The following LRIG3 variants were observed in gnomAD, a reference collection of about 807,000 sequenced individuals.
The protein encoded by LRIG3 is leucine-rich repeats and immunoglobulin-like domains protein 3.
LRIG3 carries 76 observed loss-of-function variants against 114.5 expected under a neutral mutation model. The ratio of observed to expected loss-of-function variants is 0.66; its 90% confidence interval spans 0.55 to 0.80. LRIG3 has a LOEUF of 0.80. Ranked by LOEUF, LRIG3 falls within the 30% of genes least tolerant of loss-of-function variation. LRIG3 has a pLI of 0.00. For missense variants in LRIG3, 1,239 were observed against 1,382.8 expected (o/e 0.90, Z 1.65); for synonymous variants, 512 against 519.8 (o/e 0.98, Z 0.20).
intron 5 of LRIG3, among the ~76,000 whole-genome samples, chr12:58,889,427 A>G (rs551924494): frequency 4.6e-5 from 7 of 152,276 alleles, no homozygotes; most frequent in Admixed American, 2.6e-4. Flanking sequence ...CCTTGGTTGC[A>G]CACTGGACGC....
At chr12:58,919,915 A>G in intron 1 of LRIG3, 85 bp downstream of exon 1, 1 of 1,331,212 alleles carries the variant, frequency 7.5e-7, no homozygotes, top group South Asian at 1.3e-5. Flanking sequence ...AGGGGACTGC[A>G]CGCCGAACCC....
chr12:58,880,613 G>C lies in LRIG3; in HGVS notation c.1769C>G (p.Ser590Cys). Residue 590 changes from serine (S) to cysteine (C), a missense_variant, in exon 13 of 19, where the codon TCC becomes TGC. Physicochemically the swap from Ser to Cys is moderately radical, Grantham distance 112. Transcript: ENST00000320743. ...QCVISNHFGS[S>C]YSVKAKLTVN... ...TGTAAGCTTGGCTTTGACAGAGTAG[G>C]ATGAACCAAAGTGATTGGAGATGAC... is the stretch of plus-strand genomic sequence containing the variant. The C allele has an allele frequency of 1.9e-6, 3 of 1,614,030 alleles. No individual in the cohort carries two copies. The South Asian group carries it at 3.3e-5, about 18-fold the overall frequency.
Position 58,890,100 on chromosome 12 carries a change from C to G in LRIG3, c.555G>C (p.Gly185=). The G allele has an allele frequency of 5.0e-6, 8 of 1,613,820 alleles. No homozygotes were observed. The highest frequency in any genetic ancestry group is 5.9e-6 in the Non-Finnish European group (7 of 1,179,820). ...GTGTGTTGGCCAAATTGTCAAAATA[C>G]CCAGGTTCCATTGATGTGACTCGGT... ...NSNRVTSMEP[G]YFDNLANTLL... The change falls in exon 5 of 19, where the codon GGG becomes GGC. Residue 185 remains glycine (G), a synonymous_variant. Coordinates refer to ENST00000320743, the MANE Select transcript of LRIG3 (RefSeq NM_153377.5).
intron 10 of LRIG3, among the ~76,000 whole-genome samples, chr12:58,885,324 A>T (rs1214919712): frequency 6.6e-6 from 1 of 152,202 alleles, no homozygotes; most frequent in African/African-American, 2.4e-5. Flanking sequence ...GTCACTCTTA[A>T]GGATTGTGGA....
chr12:58,912,168 G>A (rs1390690810), intron 3 of LRIG3, among the ~76,000 whole-genome samples: 1 of 152,216 alleles, frequency 6.6e-6, no homozygotes, highest in Non-Finnish European at 1.5e-5. Context: ...AGAGATCATT[G>A]TAGCTTTCTA....
At chr12:58,892,154 A>G (rs530106119) in intron 3 of LRIG3, among the ~76,000 whole-genome samples, 2 of 152,368 alleles carry the variant, frequency 1.3e-5, no homozygotes, top group South Asian at 4.1e-4. Flanking sequence ...ATGGCAATCA[A>G]ACGGATGTGC....
chr12:58,908,867 T>C (rs1204623956), intron 3 of LRIG3, among the ~76,000 whole-genome samples: 3 of 152,298 alleles, frequency 2.0e-5, no homozygotes, highest in East Asian at 3.9e-4. Context: ...CTGCATTAAG[T>C]GCTGAGGAAA....
Position 58,880,859 on chromosome 12 carries a change from T to C in LRIG3, c.1523A>G (p.Gln508Arg), listed in dbSNP as rs776193260. 2 of 1,614,068 alleles carry C rather than the reference T, an allele frequency of 1.2e-6. No individual in the cohort carries two copies. The highest frequency in any genetic ancestry group is 1.7e-6 in the Non-Finnish European group (2 of 1,179,912). ...KPQITVQPET[Q>R]SAIKGSNLSF... ...CAAATTGGAACCTTTTATTGCCGAC[T>C]GTGTTTCTGGCTGAACCGTGATCTG... The change falls in exon 13 of 19, where the codon CAG (glutamine) becomes CGG (arginine). Residue 508 changes from glutamine to arginine, a missense_variant. Transcript: ENST00000320743.
Position 58,914,034 on chromosome 12 carries a change from C to T in LRIG3, c.331G>A (p.Glu111Lys). Residue 111 changes from glutamate (E) to lysine (K), a missense_variant, in exon 3 of 19, where the codon GAG becomes AAG. Transcript: ENST00000320743. ...ACTGGTCCCAGATTTGGAATGGTCTCCAATTCATTGTTGTTCAGTTTCCTA... is the reference window on the plus strand; with the variant it reads ...ACTGGTCCCAGATTTGGAATGGTCTTCAATTCATTGTTGTTCAGTTTCCTA... Reference protein sequence around the residue: ...REVKLNNNELETIPNLGPVSA... With the variant: ...REVKLNNNELKTIPNLGPVSA... 1 of 1,610,904 alleles carries T rather than the reference C, an allele frequency of 6.2e-7. No homozygotes were observed. The highest frequency in any genetic ancestry group is 8.5e-7 in the Non-Finnish European group (1 of 1,179,374).
At chr12:58,877,902 A>T (rs755063523) in intron 14 of LRIG3, 50 bp from the exon 15 acceptor site, 2 of 1,508,750 alleles carry the variant, frequency 1.3e-6, no homozygotes, top group East Asian at 2.3e-5. Flanking sequence ...TTTAGTTTCC[A>T]TATCATAAAA....
In LRIG3 at chr12:58,890,714, T is replaced by A. The variant is rs1871427960; in HGVS notation, c.466A>T (p.Asn156Tyr). 1 of 1,607,692 alleles carries A rather than the reference T, an allele frequency of 6.2e-7. No individual in the cohort carries two copies. ...AATGCAGTTTGGAGCTCTGAAATAT[T>A]GTTGCTGCTAAGGTCCAAAGTTTCA... ...SLETLDLSSNNISELQTAFPA... is the reference protein window; with the variant it reads ...SLETLDLSSNYISELQTAFPA... The change falls in exon 4 of 19, where the codon AAT becomes TAT. Residue 156 changes from asparagine (N) to tyrosine (Y), a missense_variant. Transcript: ENST00000320743.
intron 3 of LRIG3, among the ~76,000 whole-genome samples, chr12:58,895,372 C>T (rs978056044): frequency 2.0e-5 from 3 of 152,112 alleles, no homozygotes; most frequent in East Asian, 1.9e-4. Context: ...AGGGAAGAAA[C>T]GGCCACACTG....
intron 1 of LRIG3, among the ~76,000 whole-genome samples, chr12:58,919,220 T>C (rs1027403007): frequency 8.5e-5 from 13 of 152,340 alleles, no homozygotes; most frequent in Non-Finnish European, 1.3e-4. Flanking sequence ...TCCTTGTTCT[T>C]CACGCAGTTG....
chr12:58,916,298 T>C (rs1029600171), intron 1 of LRIG3, among the ~76,000 whole-genome samples: 8 of 152,152 alleles, frequency 5.3e-5, no homozygotes, highest in African/African-American at 1.9e-4. Context: ...ACTTTGAATA[T>C]TTCAGTTATT....
chr12:58,913,979 T>G lies in LRIG3; in HGVS notation c.383+3A>C, dbSNP rs754698502. 6.2e-7 allele frequency: 1 copy of G among 1,610,236 alleles called. No homozygotes were observed. On this transcript the variant is annotated splice_donor_region_variant and intron_variant, in intron 3 of 18. Transcript: ENST00000320743. ...ATGAGGAATTCTGCTGATATTCACT[T>G]ACAAGGAGAGAAGTGTAATATTTGC...
At chr12:58,909,072 T>A (rs12426555) in intron 3 of LRIG3, among the ~76,000 whole-genome samples, 8,280 of 152,278 alleles carry the variant, frequency 0.054, 391 homozygotes, top group Admixed American at 0.14. Flanking sequence ...GATTCAAGTA[T>A]CTTCCTCCTG....
At chr12:58,914,488 A>C in intron 1 of LRIG3, 152 bp from the exon 2 acceptor site, 1 of 575,954 alleles carries the variant, frequency 1.7e-6, no homozygotes, top group Non-Finnish European at 3.0e-6. Context: ...CAAAATGCCA[A>C]ACTCAAAAAT....
At chr12:58,877,884 A>C in intron 14 of LRIG3, 32 bp from the exon 15 acceptor site, 3 of 1,565,884 alleles carry the variant, frequency 1.9e-6, no homozygotes, top group Non-Finnish European at 2.6e-6. Context: ...TTAATTTCCC[A>C]AATAAAATTT....
At chr12:58,887,053 A>T in intron 8 of LRIG3, 163 bp from the exon 9 acceptor site, 1 of 556,904 alleles carries the variant, frequency 1.8e-6, no homozygotes, top group Non-Finnish European at 3.1e-6. Context: ...TACCTCTTAC[A>T]CCCTGCCTGA....
Sources: allele counts gnomAD v4.1 joint callset (sites outside exome capture counted in the v4.1 genomes callset), GRCh38; gene constraint gnomAD v4.1.1; transcripts MANE v1.5; gene names NCBI Gene and HGNC (gene_info 2026-07-23, HGNC 2026-07-21).